The following CENPP variants were observed in gnomAD, a reference collection of about 807,000 sequenced individuals.
The protein encoded by CENPP is centromere protein P.
In CENPP, 24 loss-of-function variants were observed where a neutral mutation model predicts 35.6. The ratio of observed to expected loss-of-function variants is 0.67; its 90% CI spans 0.49 to 0.95. The LOEUF (loss-of-function observed/expected upper bound fraction) is 0.95, where lower values mean the gene tolerates loss of function less well. Ranked by LOEUF, CENPP falls within the 40% of genes least tolerant of loss-of-function variation. The pLI is 0.00. For synonymous variants in CENPP, 120 were observed against 125.5 expected (o/e 0.96, Z 0.29); for missense variants, 332 against 345.3 (o/e 0.96, Z 0.31).
intron 1 of CENPP, among the ~76,000 whole-genome samples, chr9:92,331,732 G>A (rs1006954431): frequency 6.6e-6 from 1 of 152,162 alleles, no homozygotes; most frequent in Non-Finnish European, 1.5e-5. Context: ...AGACTGAGGC[G>A]GGAGGATTGC....
At chr9:92,401,903 G>T (rs1000465721) in intron 5 of CENPP, among the ~76,000 whole-genome samples, 1 of 152,084 alleles carries the variant, frequency 6.6e-6, no homozygotes, top group Non-Finnish European at 1.5e-5. Context: ...TTCCATTTTA[G>T]TCTCGGTCTT....
At chr9:92,571,976 G>A (rs1486224899) in intron 5 of CENPP, among the ~76,000 whole-genome samples, 3 of 136,948 alleles carry the variant, frequency 2.2e-5, no homozygotes, top group South Asian at 2.3e-4. Context: ...TTGAGCCTAT[G>A]TGTGTCTCTG....
intron 5 of CENPP, among the ~76,000 whole-genome samples, chr9:92,444,164 C>A (rs1187188755): frequency 3.3e-5 from 5 of 152,144 alleles, no homozygotes; most frequent in Admixed American, 6.5e-5. Context: ...GATACTGAAT[C>A]TATTTTAATC....
chr9:92,346,688 C>G (rs1841303901), intron 4 of CENPP, among the ~76,000 whole-genome samples: 1 of 152,184 alleles, frequency 6.6e-6, no homozygotes, highest in African/African-American at 2.4e-5. Context: ...ATCATTGATA[C>G]AAGTGAGTCA....
intron 5 of CENPP, among the ~76,000 whole-genome samples, chr9:92,580,096 G>A (rs966968408): frequency 3.6e-4 from 54 of 152,094 alleles, no homozygotes; most frequent in Non-Finnish European, 6.3e-4. Context: ...TTATATGCTG[G>A]ATTACATTTA....
chr9:92,558,740 A>C (rs1849780418), intron 5 of CENPP, among the ~76,000 whole-genome samples: 2 of 152,022 alleles, frequency 1.3e-5, no homozygotes, highest in Admixed American at 1.3e-4. Context: ...ACCAGGGTGG[A>C]TAGGAAAGGA....
chr9:92,422,845 G>A (rs1843851259), intron 5 of CENPP, among the ~76,000 whole-genome samples: 1 of 151,982 alleles, frequency 6.6e-6, no homozygotes, highest in Non-Finnish European at 1.5e-5. Context: ...TGAGTCATTT[G>A]CTAAGCATAT....
chr9:92,594,040 A>G (rs943022375), intron 5 of CENPP, among the ~76,000 whole-genome samples: 20 of 152,394 alleles, frequency 1.3e-4, no homozygotes, highest in Admixed American at 9.8e-4. Context: ...TTCATTAATT[A>G]TAACAAACAT....
At chr9:92,488,974 C>A (rs537702464) in intron 5 of CENPP, among the ~76,000 whole-genome samples, 2 of 152,272 alleles carry the variant, frequency 1.3e-5, no homozygotes, top group South Asian at 2.1e-4. Flanking sequence ...TTGATTTTAT[C>A]CATTTTCATA....
At chr9:92,516,543 C>T (rs1442690083) in intron 5 of CENPP, among the ~76,000 whole-genome samples, 3 of 152,124 alleles carry the variant, frequency 2.0e-5, no homozygotes, top group Non-Finnish European at 4.4e-5. Context: ...TTTTTCACAT[C>T]TCTAGCAAAA....
intron 5 of CENPP, among the ~76,000 whole-genome samples, chr9:92,574,222 C>A (rs73522388): frequency 4.7e-4 from 71 of 152,234 alleles, no homozygotes; most frequent in African/African-American, 1.3e-3. Context: ...AACCTCCCCC[C>A]AGAATGTATT....
chr9:92,457,794 A>G (rs1013551739), intron 5 of CENPP, among the ~76,000 whole-genome samples: 2 of 152,202 alleles, frequency 1.3e-5, no homozygotes, highest in East Asian at 1.9e-4. Context: ...ACATACGTAC[A>G]TACATACATA....
At chr9:92,466,552 T>C in intron 5 of CENPP, 2 of 1,614,056 alleles carry the variant, frequency 1.2e-6, no homozygotes, top group Non-Finnish European at 1.7e-6. Flanking sequence ...CGTTAGCTTG[T>C]TGTTGTTCAG....
intron 5 of CENPP, among the ~76,000 whole-genome samples, chr9:92,388,622 C>T (rs1345074270): frequency 2.0e-5 from 3 of 151,626 alleles, no homozygotes; most frequent in African/African-American, 4.8e-5. Flanking sequence ...GGGCGGATCA[C>T]CTGAGGTCAG....
intron 5 of CENPP, among the ~76,000 whole-genome samples, chr9:92,414,057 A>G (rs987079959): frequency 3.3e-5 from 5 of 152,206 alleles, no homozygotes; most frequent in African/African-American, 9.6e-5. Flanking sequence ...AGCATGGTAT[A>G]TCAAGAGAGT....
At chr9:92,344,315 G>A (rs1439376747) in intron 3 of CENPP, among the ~76,000 whole-genome samples, 2 of 152,022 alleles carry the variant, frequency 1.3e-5, no homozygotes, top group African/African-American at 4.8e-5. Context: ...GTGAAAAGCT[G>A]AAATCTAACA....
At chr9:92,440,383 A>AAATCAATCAATC (rs1554763253) in intron 5 of CENPP, among the ~76,000 whole-genome samples, 6 of 151,772 alleles carry the variant, frequency 4.0e-5, no homozygotes, top group Non-Finnish European at 8.8e-5. Flanking sequence ...ATAAATAAAT[A>AAATCAATCAATC]AATCACAAGA....
At chr9:92,383,267 A>G (rs895289961) in intron 5 of CENPP, among the ~76,000 whole-genome samples, 5 of 152,094 alleles carry the variant, frequency 3.3e-5, no homozygotes, top group Admixed American at 6.6e-5. Flanking sequence ...TTCTATCTTT[A>G]TTCTTATTTT....
At chr9:92,565,323 A>AAAAG (rs1849941758) in intron 5 of CENPP, among the ~76,000 whole-genome samples, 1 of 148,182 alleles carries the variant, frequency 6.7e-6, no homozygotes, top group African/African-American at 2.5e-5. Context: ...AAAAAAAAAA[A>AAAAG]TCATAATGTT....
Sources: allele counts gnomAD v4.1 joint callset (sites outside exome capture counted in the v4.1 genomes callset), GRCh38; gene constraint gnomAD v4.1.1; transcripts MANE v1.5; gene names NCBI Gene and HGNC (gene_info 2026-07-23, HGNC 2026-07-21).